The following DAB1 variants were observed in gnomAD, a reference collection of about 807,000 sequenced individuals.
The protein encoded by DAB1 is DAB adaptor protein 1.
In DAB1, 15 loss-of-function variants were observed where a neutral mutation model predicts 64.6. That is an observed-to-expected ratio of 0.23 (90% CI 0.16 to 0.36). The LOEUF is 0.36. Among genes scored for constraint, DAB1 ranks in the 10% least tolerant of loss-of-function variants. The pLI, the probability that DAB1 is intolerant of heterozygous loss-of-function variation, is 1.00. For synonymous variants in DAB1, 235 were observed against 251.9 expected (o/e 0.93, Z 0.64); for missense variants, 596 against 706.7 (o/e 0.84, Z 1.78).
At chr1:58,139,588 C>T (rs182583346) in intron 5 of DAB1, among the ~76,000 whole-genome samples, 3 of 151,576 alleles carry the variant, frequency 2.0e-5, no homozygotes, top group Admixed American at 2.0e-4. Context: ...CAGGATCCTC[C>T]CATGACAAGA....
At chr1:57,450,297 G>A (rs1029188825) in intron 7 of DAB1, among the ~76,000 whole-genome samples, 10 of 152,134 alleles carry the variant, frequency 6.6e-5, no homozygotes, top group Non-Finnish European at 1.2e-4. Flanking sequence ...AGGGTACACT[G>A]GACTGTGAAT....
intron 3 of DAB1, among the ~76,000 whole-genome samples, chr1:58,504,181 G>T (rs1447323189): frequency 6.6e-6 from 1 of 152,198 alleles, no homozygotes; most frequent in Non-Finnish European, 1.5e-5. Flanking sequence ...CCTATCACTT[G>T]AAGTGAAAGT....
At chr1:57,553,458 A>AAGAAAGAAAGAAAG (rs1458260279) in intron 7 of DAB1, among the ~76,000 whole-genome samples, 1 of 132,138 alleles carries the variant, frequency 7.6e-6, no homozygotes, top group Non-Finnish European at 1.6e-5. Flanking sequence ...GAAAGAAAGA[A>AAGAAAGAAAGAAAG]AGAGAAAGGG....
At chr1:57,808,222 CAT>C (rs903371678) in intron 6 of DAB1, among the ~76,000 whole-genome samples, 5 of 140,980 alleles carry the variant, frequency 3.5e-5, no homozygotes, top group African/African-American at 1.3e-4. Context: ...CACACACACA[CAT>C]ACCCCTGAGC....
intron 4 of DAB1, among the ~76,000 whole-genome samples, chr1:58,152,211 A>T (rs1430888367): frequency 6.6e-6 from 1 of 152,160 alleles, no homozygotes; most frequent in African/African-American, 2.4e-5. Flanking sequence ...TCACACAGGG[A>T]CATACTATAC....
At chr1:57,280,558 A>G (rs1050049087) in intron 2 of DAB1, among the ~76,000 whole-genome samples, 2 of 152,264 alleles carry the variant, frequency 1.3e-5, no homozygotes, top group Non-Finnish European at 2.9e-5. Flanking sequence ...GCTAATGTGA[A>G]GAGCTTTGTT....
chr1:57,173,314 A>C (rs1661975923), intron 2 of DAB1, among the ~76,000 whole-genome samples: 1 of 152,166 alleles, frequency 6.6e-6, no homozygotes, highest in South Asian at 2.1e-4. Flanking sequence ...TTGCACACCA[A>C]CATGACATCA....
intron 6 of DAB1, among the ~76,000 whole-genome samples, chr1:57,723,190 G>A (rs947106019): frequency 1.3e-5 from 2 of 152,128 alleles, no homozygotes; most frequent in Non-Finnish European, 2.9e-5. Flanking sequence ...CATAGCTAAA[G>A]TAGACTTGAA....
intron 1 of DAB1, among the ~76,000 whole-genome samples, chr1:57,412,938 T>C (rs560683034): frequency 6.6e-6 from 1 of 152,346 alleles, no homozygotes; most frequent in East Asian, 1.9e-4. Context: ...TATCTAGGAC[T>C]TTCACAGCTA....
At chr1:58,006,704 C>T (rs149378560) in intron 5 of DAB1, among the ~76,000 whole-genome samples, 64 of 152,254 alleles carry the variant, frequency 4.2e-4, no homozygotes, top group Non-Finnish European at 7.9e-4. Flanking sequence ...CCTTCCTGCC[C>T]AGTGAATTCT....
At chr1:57,353,667 G>C (rs1017194924) in intron 1 of DAB1, among the ~76,000 whole-genome samples, 8 of 152,146 alleles carry the variant, frequency 5.3e-5, no homozygotes, top group African/African-American at 1.9e-4. Flanking sequence ...GCCTGCCTGA[G>C]GTCATACTGA....
chr1:57,896,093 A>C (rs2101988421), intron 5 of DAB1, among the ~76,000 whole-genome samples: 1 of 152,278 alleles, frequency 6.6e-6, no homozygotes. Context: ...ATGTGGGCTA[A>C]AACTGGCTGA....
At chr1:57,241,456 AC>A (rs1668488693) in intron 2 of DAB1, among the ~76,000 whole-genome samples, 1 of 152,178 alleles carries the variant, frequency 6.6e-6, no homozygotes, top group Non-Finnish European at 1.5e-5. Context: ...CAACCAGGGC[AC>A]AAAATAGACC....
intron 5 of DAB1, among the ~76,000 whole-genome samples, chr1:57,940,722 C>G (rs902636485): frequency 6.6e-6 from 1 of 152,210 alleles, no homozygotes; most frequent in Admixed American, 6.5e-5. Flanking sequence ...TTTCCCCACA[C>G]TATGCACCTC....
intron 3 of DAB1, among the ~76,000 whole-genome samples, chr1:58,497,223 C>G (rs1279244292): frequency 2.0e-5 from 3 of 151,806 alleles, no homozygotes; most frequent in Non-Finnish European, 4.4e-5. Flanking sequence ...AGTTTTAAAA[C>G]AAACAAAACA....
chr1:58,113,487 A>G (rs1441687359), intron 5 of DAB1, among the ~76,000 whole-genome samples: 1 of 152,164 alleles, frequency 6.6e-6, no homozygotes, highest in Admixed American at 6.6e-5. Flanking sequence ...CTGCCATCAT[A>G]AAAGTATCTG....
At chr1:57,599,341 GAAAAAAAGCACA>G (rs1268370217) in intron 7 of DAB1, among the ~76,000 whole-genome samples, 3 of 151,808 alleles carry the variant, frequency 2.0e-5, no homozygotes, top group African/African-American at 7.3e-5. Flanking sequence ...CTCTGTTAGA[GAAAAAAAGCACA>G]AAGCAGGGCT....
intron 5 of DAB1, among the ~76,000 whole-genome samples, chr1:58,099,845 C>G (rs367910950): frequency 6.6e-6 from 1 of 152,172 alleles, no homozygotes; most frequent in South Asian, 2.1e-4. Flanking sequence ...ACGTCCAGGA[C>G]GGGCTCAGTT....
intron 1 of DAB1, among the ~76,000 whole-genome samples, chr1:57,420,815 C>T (rs1371159165): frequency 1.3e-5 from 2 of 152,224 alleles, no homozygotes; most frequent in Non-Finnish European, 2.9e-5. Flanking sequence ...AACTGCTTAA[C>T]TCAACCACGA....
Sources: allele counts gnomAD v4.1 joint callset (sites outside exome capture counted in the v4.1 genomes callset), GRCh38; gene constraint gnomAD v4.1.1; transcripts MANE v1.5; gene names NCBI Gene and HGNC (gene_info 2026-07-23, HGNC 2026-07-21).